The following DLGAP1 variants were observed in gnomAD, a reference collection of about 807,000 sequenced individuals.
DLGAP1 encodes the protein disks large-associated protein 1.
Under a neutral mutation model 90.8 loss-of-function variants are expected in DLGAP1, and 11 were observed. The ratio of observed to expected loss-of-function variants is 0.12; its 90% CI spans 0.08 to 0.20. DLGAP1 has a LOEUF of 0.20. Among genes scored for constraint, DLGAP1 ranks in the 10% least tolerant of loss-of-function variants. DLGAP1 has a pLI of 1.00. For missense variants in DLGAP1, 1,050 were observed against 1,333.8 expected (o/e 0.79, Z 3.31); for synonymous variants, 558 against 540.7 (o/e 1.03, Z -0.44).
chr18:3,532,092 C>T (rs957440461), intron 10 of DLGAP1, among the ~76,000 whole-genome samples: 2 of 151,550 alleles, frequency 1.3e-5, no homozygotes, highest in Non-Finnish European at 2.9e-5. Flanking sequence ...TGACCTCAAG[C>T]GATCCTCCTG....
intron 1 of DLGAP1, among the ~76,000 whole-genome samples, chr18:4,177,548 C>T (rs759610031): frequency 1.3e-5 from 2 of 152,102 alleles, no homozygotes; most frequent in Non-Finnish European, 2.9e-5. Context: ...GTTTGGTGTA[C>T]AGATAATTTC....
intron 2 of DLGAP1, among the ~76,000 whole-genome samples, chr18:4,148,040 C>T (rs76802210): frequency 0.02 from 3,117 of 152,122 alleles, 50 homozygotes; most frequent in African/African-American, 0.046. Context: ...TGGTTGGGCA[C>T]GGAAAAAGCC....
chr18:3,991,270 T>G (rs2073962884), intron 3 of DLGAP1, among the ~76,000 whole-genome samples: 1 of 152,228 alleles, frequency 6.6e-6, no homozygotes, highest in African/African-American at 2.4e-5. Context: ...TTGCTCAGAC[T>G]TTTTCAGTAA....
At chr18:3,572,913 T>TA (rs2054895667) in intron 8 of DLGAP1, among the ~76,000 whole-genome samples, 1 of 152,150 alleles carries the variant, frequency 6.6e-6, no homozygotes, top group Non-Finnish European at 1.5e-5. Context: ...TTGGTAATAG[T>TA]ATATTATTTT....
At chr18:3,795,596 G>A (rs554245648) in intron 5 of DLGAP1, among the ~76,000 whole-genome samples, 1 of 152,176 alleles carries the variant, frequency 6.6e-6, no homozygotes, top group Non-Finnish European at 1.5e-5. Flanking sequence ...TTACAGGCAT[G>A]AGTCACCGCG....
chr18:4,299,225 T>A (rs2080065507), intron 1 of DLGAP1, among the ~76,000 whole-genome samples: 1 of 152,132 alleles, frequency 6.6e-6, no homozygotes, highest in Non-Finnish European at 1.5e-5. Context: ...ACACCAAGAT[T>A]TACAAACCAC....
intron 10 of DLGAP1, among the ~76,000 whole-genome samples, chr18:3,524,354 A>T (rs182795086): frequency 2.3e-3 from 347 of 152,258 alleles, no homozygotes; most frequent in Non-Finnish European, 4.3e-3. Context: ...GCCCTAAAAA[A>T]GAAGGAGCTC....
At chr18:4,280,380 T>G (rs1438626971) in intron 1 of DLGAP1, among the ~76,000 whole-genome samples, 2 of 152,202 alleles carry the variant, frequency 1.3e-5, no homozygotes, top group Admixed American at 1.3e-4. Flanking sequence ...GTCTTCATGG[T>G]CTTACTTAAA....
intron 3 of DLGAP1, among the ~76,000 whole-genome samples, chr18:3,979,795 A>G (rs1196762863): frequency 6.6e-6 from 1 of 152,268 alleles, no homozygotes; most frequent in Non-Finnish European, 1.5e-5. Context: ...AGATCAAAAC[A>G]TCACACTGTA....
intron 1 of DLGAP1, among the ~76,000 whole-genome samples, chr18:4,227,668 T>C (rs2078220084): frequency 1.3e-5 from 2 of 150,948 alleles, no homozygotes; most frequent in Admixed American, 6.6e-5. Flanking sequence ...GGAAACACAA[T>C]ATACAAAACC....
intron 1 of DLGAP1, among the ~76,000 whole-genome samples, chr18:4,387,889 C>T (rs1246423426): frequency 6.6e-6 from 1 of 150,678 alleles, no homozygotes; most frequent in Non-Finnish European, 1.5e-5. Flanking sequence ...TGAGATCACA[C>T]CACTGCACTC....
intron 1 of DLGAP1, among the ~76,000 whole-genome samples, chr18:4,171,618 T>C (rs910754452): frequency 6.6e-6 from 1 of 151,444 alleles, no homozygotes; most frequent in Admixed American, 6.6e-5. Context: ...ATTATTGAGA[T>C]GAAAAGCCCA....
intron 5 of DLGAP1, among the ~76,000 whole-genome samples, chr18:3,811,284 T>C (rs527684015): frequency 6.6e-6 from 1 of 152,324 alleles, no homozygotes; most frequent in East Asian, 1.9e-4. Context: ...GGAAGGAAGA[T>C]ATGTTTGAAT....
intron 3 of DLGAP1, among the ~76,000 whole-genome samples, chr18:3,941,523 T>C (rs936396833): frequency 6.6e-6 from 1 of 152,184 alleles, no homozygotes; most frequent in African/African-American, 2.4e-5. Context: ...CCAGAATCTG[T>C]AGAATTCCAG....
chr18:4,031,565 A>G (rs1019984164), intron 2 of DLGAP1, among the ~76,000 whole-genome samples: 1 of 152,220 alleles, frequency 6.6e-6, no homozygotes, highest in Admixed American at 6.5e-5. Context: ...AATAAGCAAC[A>G]GTGTTTGTCA....
intron 5 of DLGAP1, among the ~76,000 whole-genome samples, chr18:3,781,448 G>C (rs1335787861): frequency 6.6e-6 from 1 of 151,804 alleles, no homozygotes; most frequent in African/African-American, 2.4e-5. Context: ...GCCTTCCTGG[G>C]TTCAAGCTAT....
chr18:3,590,063 A>T (rs1350594995), intron 7 of DLGAP1, among the ~76,000 whole-genome samples: 1 of 152,130 alleles, frequency 6.6e-6, no homozygotes, highest in African/African-American at 2.4e-5. Flanking sequence ...GGCATGTGCC[A>T]CCACACCAGG....
chr18:3,781,553 C>T (rs566984355), intron 5 of DLGAP1, among the ~76,000 whole-genome samples: 3 of 152,070 alleles, frequency 2.0e-5, no homozygotes, highest in Admixed American at 6.5e-5. Flanking sequence ...TGGGGTTTCA[C>T]CATGTTGGCC....
rs375837148 is a variant in DLGAP1 at position 3,957,931 on chromosome 18, T to C, written c.-73+47185A>G. ...TTTTTGAGATGGAGTTTCACTCTTGTTGCCCAGGCTGGAGTGCAATGGTGT... is the reference window on the plus strand; with the variant it reads ...TTTTTGAGATGGAGTTTCACTCTTGCTGCCCAGGCTGGAGTGCAATGGTGT... On this transcript the variant is annotated intron_variant, in intron 3 of 12. Coordinates refer to ENST00000315677, the MANE Select transcript of DLGAP1 (RefSeq NM_004746.4). Among the ~76,000 whole-genome samples, 499 of 151,924 alleles carry C rather than the reference T, an allele frequency of 3.3e-3. 8 individuals are homozygous for C. The highest frequency in any genetic ancestry group is 0.012 in the African/African-American group (482 of 41,384).
Sources: gnomAD v4.1 joint callset for allele counts (sites outside exome capture counted in the v4.1 genomes callset) on GRCh38, gnomAD v4.1.1 for gene constraint, MANE v1.5 for transcripts, NCBI Gene and HGNC (gene_info 2026-07-23, HGNC 2026-07-21) for gene names.